SNRPN: variants seen among roughly 807,000 people sequenced by gnomAD.
SNRPN encodes small nuclear ribonucleoprotein polypeptide N, also known as small nuclear ribonucleoprotein-associated protein N.
Under a neutral mutation model 25.2 loss-of-function variants are expected in SNRPN, and 7 were observed. That is an observed-to-expected ratio of 0.28 (90% CI 0.16 to 0.52). The LOEUF (loss-of-function observed/expected upper bound fraction) is 0.52. Ranked by LOEUF, SNRPN falls within the 20% of genes least tolerant of loss-of-function variation. The pLI is 0.96. For synonymous variants in SNRPN, 124 were observed against 110.6 expected, an observed-to-expected ratio of 1.12 and a Z score of -0.76; for missense variants, 196 against 322.5, an observed-to-expected ratio of 0.61 and a Z score of 3.00.
intron 2 of SNRPN, among the ~76,000 whole-genome samples, chr15:24,844,503 T>C (rs573060105): frequency 6.6e-6 from 1 of 152,058 alleles, no homozygotes; most frequent in African/African-American, 2.4e-5. Flanking sequence ...TATTTTAATT[T>C]TGACTAAGAA....
intron 3 of SNRPN, among the ~76,000 whole-genome samples, chr15:24,943,907 T>C (rs1408545938): frequency 6.6e-6 from 1 of 152,192 alleles, no homozygotes; most frequent in Admixed American, 6.5e-5. Context: ...CTGCAGCCGC[T>C]GTCTCCCAGG....
In SNRPN at chr15:24,978,546, A is replaced by G. The variant is rs1596356770; in HGVS notation, c.*102A>G. 1 of 1,004,254 alleles carries G rather than the reference A, an allele frequency of 1.0e-6. No homozygotes were observed. 62.2% of individuals were successfully genotyped at this position (1,004,254 alleles called of 1,614,324 possible). On this transcript the variant is annotated 3_prime_UTR_variant, in exon 10 of 10. Transcript: ENST00000390687. The stretch of plus-strand genomic sequence containing the variant: ...TTTGTTCCCTCATTCTGCATTAATA[A>G]TAGCTAATAATAAATGCATAGAGCA...
intron 2 of SNRPN, among the ~76,000 whole-genome samples, chr15:24,965,719 CTT>C (rs1018456657): frequency 4.6e-5 from 7 of 152,226 alleles, no homozygotes; most frequent in African/African-American, 1.7e-4. Flanking sequence ...CTTCACATGT[CTT>C]TTCAAATTAA....
At chr15:24,848,293 G>A (rs904482712) in intron 2 of SNRPN, 3 of 151,838 alleles carry the variant, frequency 2.0e-5, no homozygotes, top group African/African-American at 7.3e-5. Context: ...TTGCGCCTGC[G>A]CGGGACTGGA....
intron 2 of SNRPN, among the ~76,000 whole-genome samples, chr15:24,888,934 T>C (rs2057413536): frequency 1.3e-5 from 2 of 152,198 alleles, no homozygotes; most frequent in Admixed American, 1.3e-4. Flanking sequence ...TTATTTTTTT[T>C]TGAGACAGAG....
rs868814194 is a variant in SNRPN, at chr15:24,939,752, G to A, written c.-391+19628G>A. Among the ~76,000 whole-genome samples, 73 of 141,564 alleles carry A rather than the reference G, an allele frequency of 5.2e-4. 1 individual carries two copies. The highest frequency in any genetic ancestry group is 1.8e-3 in the African/African-American group (70 of 38,242). 92.9% of individuals were successfully genotyped at this position (141,564 alleles called of 152,430 possible). ...CTGGCTTGGCCCATTTTAAAATCAG[G>A]TTTTTTTTTTTTTTAAAGTTGATTA... is the stretch of plus-strand genomic sequence containing the variant. On this transcript the variant is annotated intron_variant, in intron 3 of 11. Transcript: ENST00000400097.
At chr15:24,928,984 C>A (rs1417542939) in intron 3 of SNRPN, among the ~76,000 whole-genome samples, 1 of 152,062 alleles carries the variant, frequency 6.6e-6, no homozygotes, top group Non-Finnish European at 1.5e-5. Context: ...TCTCTCTTGT[C>A]CCCACTATTA....
At chr15:24,912,757 C>A (rs1392964147) in intron 2 of SNRPN, among the ~76,000 whole-genome samples, 1 of 152,060 alleles carries the variant, frequency 6.6e-6, no homozygotes, top group Non-Finnish European at 1.5e-5. Context: ...GCCCTTCTGC[C>A]CCATTCACCA....
intron 3 of SNRPN, 38 bp from the exon 4 acceptor site, chr15:24,974,273 T>G: frequency 1.6e-6 from 1 of 614,422 alleles, no homozygotes; most frequent in Non-Finnish European, 3.0e-6. Flanking sequence ...TAAAACATGG[T>G]AGATTGCAGT....
intron 3 of SNRPN, among the ~76,000 whole-genome samples, chr15:24,926,715 A>G (rs2060407243): frequency 6.6e-6 from 1 of 152,074 alleles, no homozygotes; most frequent in African/African-American, 2.4e-5. Flanking sequence ...AAGTTAAAAG[A>G]ATATTAGTAG....
At chr15:24,911,592 C>T (rs2059221371) in intron 2 of SNRPN, among the ~76,000 whole-genome samples, 1 of 152,180 alleles carries the variant, frequency 6.6e-6, no homozygotes, top group African/African-American at 2.4e-5. Context: ...CTCCAGAAAA[C>T]ACAAGTAGTA....
intron 2 of SNRPN, among the ~76,000 whole-genome samples, chr15:24,834,749 C>CTCTCTCTCTCTCTATATATATA (rs1566806547): frequency 3.2e-5 from 2 of 63,084 alleles, no homozygotes; most frequent in Middle Eastern, 4.6e-3. Context: ...CTCTCTCTCT[C>CTCTCTCTCTCTCTATATATATA]TCTATATATA....
intron 2 of SNRPN, among the ~76,000 whole-genome samples, chr15:24,902,256 A>G (rs1385072876): frequency 6.6e-6 from 1 of 152,186 alleles, no homozygotes; most frequent in Non-Finnish European, 1.5e-5. Flanking sequence ...CTAATTCTGG[A>G]TATAAAATTT....
At chr15:24,828,848 T>G (rs1302596044) in intron 1 of SNRPN, among the ~76,000 whole-genome samples, 1 of 152,142 alleles carries the variant, frequency 6.6e-6, no homozygotes, top group Non-Finnish European at 1.5e-5. Flanking sequence ...TAAAAAATTC[T>G]TTCCAGATAG....
intron 5 of SNRPN, 150 bp from the exon 6 acceptor site, chr15:24,976,155 T>A (rs965064049): frequency 4.6e-6 from 3 of 656,672 alleles, no homozygotes; most frequent in Non-Finnish European, 5.4e-6. Flanking sequence ...ATTAACTGTG[T>A]TTACAGATAT....
rs71127026 is a variant in SNRPN, at chr15:24,931,838, C to CAAAAA, written c.-391+11740_-391+11744dup. Among the ~76,000 whole-genome samples the CAAAAA allele has an allele frequency of 5.6e-3, 242 of 42,990 alleles. 16 individuals are homozygous for CAAAAA. The highest frequency in any genetic ancestry group is 0.011 in the African/African-American group (94 of 8,422). 28.2% of individuals were successfully genotyped at this position (42,990 alleles called of 152,430 possible). A position where few individuals can be genotyped will look rare whatever the true frequency, so the allele number is the denominator to read the frequency against. On this transcript the variant is annotated intron_variant, in intron 3 of 11. Transcript: ENST00000400097. ...TGGGTGACAGAGTGAGAACCTGTCT[C>CAAAAA]AAAAAAAAAAAAAAAAAAAAAAAAA...
At chr15:24,959,692 T>A (rs1038014966) in intron 1 of SNRPN, among the ~76,000 whole-genome samples, 5 of 152,232 alleles carry the variant, frequency 3.3e-5, no homozygotes, top group African/African-American at 1.2e-4. Flanking sequence ...GTGCCCACCA[T>A]AATGTAGCAC....
chr15:24,917,808 C>T (rs987256832), intron 2 of SNRPN, among the ~76,000 whole-genome samples: 3 of 152,210 alleles, frequency 2.0e-5, no homozygotes, highest in African/African-American at 4.8e-5. Context: ...CATAAATGTT[C>T]CTCTACAGTC....
chr15:24,865,339 G>T (rs1270774996), intron 1 of SNRPN, among the ~76,000 whole-genome samples: 1 of 152,114 alleles, frequency 6.6e-6, no homozygotes, highest in African/African-American at 2.4e-5. Flanking sequence ...GAGCCACCAC[G>T]CCCAGCTGAG....
Sources: allele counts gnomAD v4.1 joint callset (sites outside exome capture counted in the v4.1 genomes callset), GRCh38; gene constraint gnomAD v4.1.1; transcripts MANE v1.5; gene names NCBI Gene and HGNC (gene_info 2026-07-23, HGNC 2026-07-21).